NCOA1: variants seen among roughly 807,000 people sequenced by gnomAD.
NCOA1 encodes nuclear receptor coactivator 1.
A neutral mutation model predicts 150.9 loss-of-function variants in NCOA1; 35 were observed. The ratio of observed to expected loss-of-function variants is 0.23; its 90% CI spans 0.18 to 0.31. The LOEUF (loss-of-function observed/expected upper bound fraction) is 0.31. Ranked by LOEUF, NCOA1 falls within the 10% of genes least tolerant of loss-of-function variation. NCOA1 has a pLI of 1.00. For missense variants in NCOA1, 1,491 were observed against 1,749.3 expected (o/e 0.85, Z 2.63); for synonymous variants, 590 against 630.0 (o/e 0.94, Z 0.95).
intron 6 of NCOA1, among the ~76,000 whole-genome samples, chr2:24,669,974 C>CA (rs1671609809): frequency 6.6e-6 from 1 of 151,984 alleles, no homozygotes. Flanking sequence ...CCTCTGTCTA[C>CA]AAAAAAATAA....
intron 4 of NCOA1, among the ~76,000 whole-genome samples, chr2:24,657,856 G>C (rs1336752094): frequency 6.6e-6 from 1 of 152,160 alleles, no homozygotes; most frequent in Non-Finnish European, 1.5e-5. Context: ...TGTGTTGTTT[G>C]GCACTAATAA....
At chr2:24,583,764 C>A (rs1216363502) in intron 2 of NCOA1, among the ~76,000 whole-genome samples, 2 of 151,978 alleles carry the variant, frequency 1.3e-5, no homozygotes, top group African/African-American at 4.8e-5. Context: ...ACCTGGAGGA[C>A]TGTATATTAA....
chr2:24,721,018 A>G (rs1302045182), intron 14 of NCOA1, among the ~76,000 whole-genome samples: 2 of 152,202 alleles, frequency 1.3e-5, no homozygotes, highest in African/African-American at 2.4e-5. Flanking sequence ...TAATGGCTCT[A>G]TCCCCCATGA....
chr2:24,670,837 T>C (rs1240251199), intron 6 of NCOA1, among the ~76,000 whole-genome samples: 1 of 152,238 alleles, frequency 6.6e-6, no homozygotes, highest in Non-Finnish European at 1.5e-5. Context: ...GTGTAAATTA[T>C]AGCTCAAGAA....
At chr2:24,642,044 G>A (rs1280227339) in intron 3 of NCOA1, among the ~76,000 whole-genome samples, 2 of 151,126 alleles carry the variant, frequency 1.3e-5, no homozygotes, top group South Asian at 2.1e-4. Flanking sequence ...GTGTGCGCGC[G>A]TGCGTATGTG....
At chr2:24,568,912 C>A (rs1296675113) in intron 2 of NCOA1, among the ~76,000 whole-genome samples, 1 of 152,178 alleles carries the variant, frequency 6.6e-6, no homozygotes, top group African/African-American at 2.4e-5. Context: ...TGAAAAATCA[C>A]TATAGCAGAA....
chr2:24,581,084 G>C (rs1667176022), intron 2 of NCOA1, among the ~76,000 whole-genome samples: 1 of 152,166 alleles, frequency 6.6e-6, no homozygotes, highest in Non-Finnish European at 1.5e-5. Flanking sequence ...TGCCCACATT[G>C]ATTTCTCCCT....
chr2:24,571,893 G>A (rs1309454337), intron 2 of NCOA1, among the ~76,000 whole-genome samples: 4 of 152,090 alleles, frequency 2.6e-5, no homozygotes, highest in Admixed American at 2.6e-4. Context: ...TCTGTAAGCA[G>A]TTCATTCATG....
At chr2:24,733,634 CTG>C (rs1272163193) in intron 17 of NCOA1, among the ~76,000 whole-genome samples, 1 of 152,048 alleles carries the variant, frequency 6.6e-6, no homozygotes, top group Non-Finnish European at 1.5e-5. Context: ...ATCCCAGTTA[CTG>C]GGGAGGCTGA....
At chr2:24,532,771 G>A (rs1015446846) in intron 1 of NCOA1, among the ~76,000 whole-genome samples, 5 of 152,158 alleles carry the variant, frequency 3.3e-5, no homozygotes, top group African/African-American at 1.2e-4. Context: ...GTAGATGTGT[G>A]GTGTTATTTC....
chr2:24,582,849 C>T (rs190876912), intron 2 of NCOA1, among the ~76,000 whole-genome samples: 7 of 152,128 alleles, frequency 4.6e-5, no homozygotes, highest in East Asian at 1.9e-4. Context: ...AACATACATT[C>T]GGGAAAAGAC....
chr2:24,734,601 C>T (rs1018131955), intron 17 of NCOA1, among the ~76,000 whole-genome samples: 1 of 152,018 alleles, frequency 6.6e-6, no homozygotes, highest in Non-Finnish European at 1.5e-5. Context: ...TTGAGACTAG[C>T]CTGGGCAACA....
At chr2:24,726,343 A>G (rs1190660826) in intron 14 of NCOA1, among the ~76,000 whole-genome samples, 3 of 152,188 alleles carry the variant, frequency 2.0e-5, no homozygotes, top group Admixed American at 6.6e-5. Flanking sequence ...ATTCTGGATA[A>G]CAGTAACCTA....
At chr2:24,533,714 G>A (rs1291330276) in intron 1 of NCOA1, among the ~76,000 whole-genome samples, 1 of 152,122 alleles carries the variant, frequency 6.6e-6, no homozygotes, top group Non-Finnish European at 1.5e-5. Flanking sequence ...TGTGGTTTTT[G>A]TCATTGGTTC....
intron 1 of NCOA1, among the ~76,000 whole-genome samples, chr2:24,519,485 A>AT (rs1664335383): frequency 1.3e-5 from 2 of 151,940 alleles, no homozygotes; most frequent in Admixed American, 1.3e-4. Flanking sequence ...GAGTTGTACA[A>AT]GTTTTTGTAT....
chr2:24,538,139 G>A (rs1463947613), intron 1 of NCOA1, among the ~76,000 whole-genome samples: 10 of 152,150 alleles, frequency 6.6e-5, no homozygotes, highest in Admixed American at 3.3e-4. Flanking sequence ...AAAATAGCAA[G>A]TGTTATATAT....
chr2:24,712,732 G>GA (rs951747357), intron 14 of NCOA1, among the ~76,000 whole-genome samples: 22 of 146,210 alleles, frequency 1.5e-4, no homozygotes, highest in African/African-American at 5.5e-4. Flanking sequence ...TATGGAAAGG[G>GA]AAAAAAAGGG....
intron 1 of NCOA1, among the ~76,000 whole-genome samples, chr2:24,537,410 G>T (rs1665199960): frequency 6.6e-6 from 1 of 151,808 alleles, no homozygotes; most frequent in African/African-American, 2.4e-5. Flanking sequence ...ATATGTGGGA[G>T]ATTATATATA....
At chr2:24,501,629 T>A (rs1663466770) in intron 1 of NCOA1, among the ~76,000 whole-genome samples, 1 of 152,228 alleles carries the variant, frequency 6.6e-6, no homozygotes, top group Admixed American at 6.5e-5. Context: ...TCATAAACTT[T>A]TAAACCATGA....
Sources: gnomAD v4.1 joint callset for allele counts (sites outside exome capture counted in the v4.1 genomes callset) on GRCh38, gnomAD v4.1.1 for gene constraint, MANE v1.5 for transcripts, NCBI Gene and HGNC (gene_info 2026-07-23, HGNC 2026-07-21) for gene names.